The following RCOR1 variants were observed in gnomAD, a reference collection of about 807,000 sequenced individuals.
RCOR1 encodes REST corepressor.
A neutral mutation model predicts 64.0 loss-of-function variants in RCOR1; 12 were observed. The ratio of observed to expected loss-of-function variants is 0.19; its 90% CI spans 0.12 to 0.30. RCOR1 has a LOEUF of 0.30. Among genes scored for constraint, RCOR1 ranks in the 10% least tolerant of loss-of-function variants. RCOR1 has a pLI of 1.00. For missense variants in RCOR1, 502 were observed against 621.2 expected (o/e 0.81, Z 2.04); for synonymous variants, 279 against 227.2 (o/e 1.23, Z -2.05).
chr14:102,652,795 C>T (rs1391570918), intron 2 of RCOR1, among the ~76,000 whole-genome samples: 5 of 152,100 alleles, frequency 3.3e-5, no homozygotes, highest in African/African-American at 9.7e-5. Context: ...ATAATGAATA[C>T]TTAGCATGTA....
chr14:102,607,928 C>T (rs929760251), intron 2 of RCOR1, among the ~76,000 whole-genome samples: 7 of 151,746 alleles, frequency 4.6e-5, no homozygotes, highest in Middle Eastern at 3.4e-3. Flanking sequence ...TGGCGGTGCA[C>T]GCCTCTAATC....
chr14:102,676,004 G>A (rs934967052), intron 2 of RCOR1, among the ~76,000 whole-genome samples: 3 of 150,010 alleles, frequency 2.0e-5, no homozygotes, highest in Middle Eastern at 3.5e-3. Flanking sequence ...ATCCATTTAC[G>A]CATTGAAAAC....
At position 102,592,953 on chromosome 14, in the gene RCOR1, G is replaced by A. The variant is rs1253114378; in HGVS notation, c.67G>A (p.Ala23Thr). The A allele has an allele frequency of 3.1e-5, 37 of 1,177,320 alleles. No homozygotes were observed. The Admixed American group carries it at 8.8e-4, about 28-fold the overall frequency. 72.9% of individuals were successfully genotyped at this position (1,177,320 alleles called of 1,614,324 possible). ...GCGGAGAGGGAGGAACAACGCGGCC[G>A]CCTCCGCCTCCGCCGCCGCCGCCTC... ...GKRRGRNNAAASASAAAASAA... is the reference protein window; with the variant it reads ...GKRRGRNNAATSASAAAASAA... The change falls in exon 1 of 12, where the codon GCC (alanine) becomes ACC (threonine). Residue 23 changes from alanine (A) to threonine (T), a missense_variant. Physicochemically the swap from Ala to Thr is moderately conservative, Grantham distance 58 (BLOSUM62 0). This residue lies in a region of RCOR1 where 242 missense variants were observed against 204.9 expected (regional missense o/e 1.18). Coordinates refer to ENST00000262241, the MANE Select transcript of RCOR1 (RefSeq NM_015156.4).
chr14:102,624,493 AAAAT>A (rs964913687), intron 2 of RCOR1, among the ~76,000 whole-genome samples: 5 of 151,912 alleles, frequency 3.3e-5, no homozygotes, highest in Admixed American at 6.6e-5. Context: ...GCATCAGTCT[AAAAT>A]AAATAAATAA....
chr14:102,624,848 C>T (rs942639429), intron 2 of RCOR1, among the ~76,000 whole-genome samples: 1 of 151,854 alleles, frequency 6.6e-6, no homozygotes, highest in Admixed American at 6.6e-5. Flanking sequence ...AAGGGGGAAA[C>T]TGTGGGGGAA....
chr14:102,641,384 G>T (rs1894365274), intron 2 of RCOR1, among the ~76,000 whole-genome samples: 1 of 152,138 alleles, frequency 6.6e-6, no homozygotes, highest in South Asian at 2.1e-4. Flanking sequence ...TGGATCACTT[G>T]AGCCCAGGAG....
chr14:102,677,365 G>A lies in RCOR1; in HGVS notation c.362-4530G>A, dbSNP rs1178521121. Among the ~76,000 whole-genome samples the A allele has an allele frequency of 1.7e-3, 242 of 143,256 alleles. 2 individuals carry two copies. The highest frequency in any genetic ancestry group is 3.0e-3 in the Non-Finnish European group (194 of 65,722). 94.0% of individuals were successfully genotyped at this position (143,256 alleles called of 152,430 possible). On this transcript the variant is annotated intron_variant, in intron 2 of 11. Transcript: ENST00000262241. ...CCCCCCCCCCACCTCCCTCCCGGAC[G>A]GGGTGGCTGCCGGGCGGAGACGCTC...
chr14:102,645,319 T>TTTG (rs1894457795), intron 2 of RCOR1, among the ~76,000 whole-genome samples: 1 of 152,204 alleles, frequency 6.6e-6, no homozygotes, highest in Non-Finnish European at 1.5e-5. Context: ...ACAGTCTGGG[T>TTTG]TTGTTCTTTA....
intron 2 of RCOR1, among the ~76,000 whole-genome samples, chr14:102,613,812 TCA>T (rs1468978213): frequency 6.7e-6 from 1 of 149,848 alleles, no homozygotes; most frequent in Admixed American, 6.7e-5. Flanking sequence ...TACCTTGGCC[TCA>T]CAAAGTGCTG....
intron 3 of RCOR1, among the ~76,000 whole-genome samples, chr14:102,684,581 A>G (rs190900911): frequency 1.3e-5 from 2 of 152,332 alleles, no homozygotes; most frequent in Admixed American, 1.3e-4. Context: ...CTGGGAAAAA[A>G]ACAAAACAAA....
Position 102,730,224 on chromosome 14 carries a change from A to T in RCOR1, c.*3718A>T, listed in dbSNP as rs915867875. On this transcript the variant is annotated 3_prime_UTR_variant, in exon 12 of 12. Transcript: ENST00000262241. ...AAGTGCTTTTTAGACAGCTTAAAAA[A>T]TTTTCAAGATTTTAAAAGATGTATA... 5.1e-5 allele frequency: 20 copies of T among 389,856 alleles called. No homozygotes were observed. Among genetic ancestry groups the T allele is most frequent in the Middle Eastern group, 6.5e-4 (1 of 1,548 alleles). The allele number at this position is 389,856 out of a possible 1,614,324, so 24.1% of individuals were successfully genotyped here. A position where few individuals can be genotyped will look rare whatever the true frequency, so the allele number is the denominator to read the frequency against.
chr14:102,689,919 A>T (rs920229798), intron 3 of RCOR1, among the ~76,000 whole-genome samples: 1 of 151,924 alleles, frequency 6.6e-6, no homozygotes. Context: ...AATTTTTTGT[A>T]TTTTTAGTAG....
At chr14:102,647,392 C>T (rs1894498380) in intron 2 of RCOR1, among the ~76,000 whole-genome samples, 1 of 151,986 alleles carries the variant, frequency 6.6e-6, no homozygotes, top group Non-Finnish European at 1.5e-5. Context: ...TCTCGGCTCA[C>T]TGCACCCTCC....
intron 4 of RCOR1, among the ~76,000 whole-genome samples, chr14:102,705,905 C>T (rs1216067040): frequency 6.6e-6 from 1 of 151,662 alleles, no homozygotes; most frequent in East Asian, 1.9e-4. Flanking sequence ...CACTTGAGCT[C>T]AGGAGTTGGA....
intron 2 of RCOR1, among the ~76,000 whole-genome samples, chr14:102,664,680 TC>T (rs1263976920): frequency 6.6e-6 from 1 of 152,172 alleles, no homozygotes; most frequent in Admixed American, 6.5e-5. Context: ...AACAATATAC[TC>T]CCTTTCTAAA....
At chr14:102,615,897 C>T in intron 2 of RCOR1, among the ~76,000 whole-genome samples, 1 of 152,184 alleles carries the variant, frequency 6.6e-6, no homozygotes, top group South Asian at 2.1e-4. Context: ...GGATTTCTCC[C>T]CAACAGGAGG....
intron 8 of RCOR1, among the ~76,000 whole-genome samples, chr14:102,718,436 C>T (rs1896110547): frequency 6.6e-6 from 1 of 152,166 alleles, no homozygotes. Context: ...GAGAAGGGGG[C>T]TGGGCATGTC....
At chr14:102,719,892 A>G (rs1048236738) in intron 8 of RCOR1, among the ~76,000 whole-genome samples, 1 of 152,168 alleles carries the variant, frequency 6.6e-6, no homozygotes, top group Non-Finnish European at 1.5e-5. Context: ...AAAAGTTGCT[A>G]TGTTGCATTT....
chr14:102,638,447 G>A (rs754111450), intron 2 of RCOR1, among the ~76,000 whole-genome samples: 31 of 151,050 alleles, frequency 2.1e-4, no homozygotes, highest in Non-Finnish European at 3.7e-4. Context: ...GTGTGATCTC[G>A]GCTCACTGCA....
Sources: gnomAD v4.1 joint callset for allele counts (sites outside exome capture counted in the v4.1 genomes callset) on GRCh38, gnomAD v4.1.1 for gene constraint, gnomAD v4.1.1 regional missense constraint, MANE v1.5 for transcripts, NCBI Gene and HGNC (gene_info 2026-07-23, HGNC 2026-07-21) for gene names.